Variants in SUV39H1 observed in about 807,000 individuals in gnomAD.
SUV39H1 encodes histone-lysine N-methyltransferase SUV39H1.
For synonymous variants in SUV39H1, 141 were observed against 150.5 expected (o/e 0.94, Z 0.46); for missense variants, 180 against 386.3 (o/e 0.47, Z 4.48).
chrX:48,695,555 A>T (rs1174080889), upstream of SUV39H1: 5 of 1,061,231 alleles, frequency 4.7e-6, no homozygotes, highest in African/African-American at 9.5e-5. Flanking sequence ...GTATCTGGTG[A>T]TCAACTATCC....
intron 1 of SUV39H1, 40 bp downstream of exon 1, chrX:48,696,843 G>GCC: frequency 1.9e-6 from 2 of 1,078,961 alleles, no homozygotes; most frequent in Non-Finnish European, 2.4e-6. Flanking sequence ...CGCTGGCCGG[G>GCC]CCGGGTGGGC....
At chrX:48,696,884 C>T in intron 1 of SUV39H1, 81 bp downstream of exon 1, 1 of 782,217 alleles carries the variant, frequency 1.3e-6, no homozygotes, top group Non-Finnish European at 1.6e-6. Context: ...CTCGGGGCCC[C>T]GGCGTCCGAG....
upstream of SUV39H1, chrX:48,696,470 G>T (rs2062455444): frequency 4.2e-6 from 1 of 239,997 alleles, no homozygotes; most frequent in African/African-American, 3.0e-5. Flanking sequence ...ACTGCGACTG[G>T]CTGATAACGT....
chrX:48,700,998 A>T (rs2062473463), intron 3 of SUV39H1: 1 of 453,015 alleles, frequency 2.2e-6, no homozygotes, highest in Non-Finnish European at 4.0e-6. Flanking sequence ...TGACTTTATC[A>T]GGGTACTTAG....
At position 48,707,617 on chromosome X, in the gene SUV39H1, A is replaced by G. The variant is rs202038583; in HGVS notation, c.*47A>G. 5.7e-4 allele frequency: 681 copies of G among 1,193,926 alleles called. 17 individuals are homozygous for G. In the East Asian group the frequency reaches 1.0e-2, roughly 18 times the overall value. ...ACTGACTGAGGGGGCCTGAAGCTAC[A>G]TGCACCTCCCCCACTGCTGCCCTCC... On this transcript the variant is annotated 3_prime_UTR_variant, in exon 6 of 6. Coordinates refer to ENST00000376687, the MANE Select transcript of SUV39H1 (RefSeq NM_003173.4).
chrX:48,696,712 TC>T, upstream of SUV39H1: 1 of 1,114,813 alleles, frequency 9.0e-7, no homozygotes, highest in Non-Finnish European at 1.2e-6. Context: ...GGCTGCGCGT[TC>T]CCGGCCACGC....
At chrX:48,696,376 G>A (rs1374250967), upstream of SUV39H1, among the ~76,000 whole-genome samples, 2 of 112,118 alleles carry the variant, frequency 1.8e-5, no homozygotes, top group African/African-American at 3.2e-5. Flanking sequence ...TAGTCCACCT[G>A]GGAGCCCCGG....
Position 48,700,531 on chromosome X carries a change from G to C in SUV39H1, c.606G>C (p.Lys202Asn). 8.2e-7 allele frequency: 1 copy of C among 1,212,445 alleles called. No individual in the cohort carries two copies. The highest frequency in any genetic ancestry group is 1.7e-5 in the African/African-American group (1 of 58,019). ...GCTGCCCGGGGGCGTCACTGCACAA[G>C]TTTGCCTACAATGACCAGGGCCAGG... ...GGCCPGASLHKFAYNDQGQVR... is the reference protein window; with the variant it reads ...GGCCPGASLHNFAYNDQGQVR... The change falls in exon 3 of 6, where the codon AAG becomes AAC. Residue 202 changes from lysine to asparagine, a missense_variant. Transcript: ENST00000376687.
intron 2 of SUV39H1, 30 bp from the exon 3 acceptor site, chrX:48,700,061 T>C (rs1557009179): frequency 2.7e-6 from 3 of 1,115,432 alleles, no homozygotes; most frequent in Non-Finnish European, 3.6e-6. Context: ...CTACTTACGG[T>C]ACCCCCGTCC....
At chrX:48,697,553 C>G (rs782489317) in intron 1 of SUV39H1, among the ~76,000 whole-genome samples, 2 of 111,302 alleles carry the variant, frequency 1.8e-5, no homozygotes, top group East Asian at 5.7e-4. Flanking sequence ...TTTGCGAGGA[C>G]AGGCTGTAGG....
upstream of SUV39H1, among the ~76,000 whole-genome samples, chrX:48,696,263 C>A (rs782142826): frequency 6.2e-5 from 7 of 112,305 alleles, no homozygotes; most frequent in East Asian, 1.1e-3. Context: ...CTGGCCAGGG[C>A]ACAAATGGAA....
chrX:48,703,830 G>T (rs2062482445), intron 3 of SUV39H1, among the ~76,000 whole-genome samples: 1 of 111,387 alleles, frequency 9.0e-6, no homozygotes, highest in Admixed American at 9.6e-5. Flanking sequence ...TTGGGATTTT[G>T]TCACTGTCAT....
chrX:48,696,587 G>A (rs915583022), upstream of SUV39H1: 139 of 429,764 alleles, frequency 3.2e-4, no homozygotes, highest in Non-Finnish European at 4.8e-4. Flanking sequence ...GACGCACTCT[G>A]GGAAAGCGCG....
upstream of SUV39H1, chrX:48,696,560 G>C: frequency 2.9e-6 from 1 of 344,737 alleles, no homozygotes; most frequent in East Asian, 6.2e-5. Flanking sequence ...TGTCGCTCCC[G>C]CTGCCGCCGC....
In SUV39H1 at chrX:48,696,772, G is replaced by T; in HGVS notation, c.-13G>T. ...GGCCGGCTAGGCCCGAATGTCGTTAGCCGTGGGGAAAGATGGCGGAAAATT... is the reference window on the plus strand; with the variant it reads ...GGCCGGCTAGGCCCGAATGTCGTTATCCGTGGGGAAAGATGGCGGAAAATT... On this transcript the variant is annotated 5_prime_UTR_variant, in exon 1 of 6. Coordinates refer to ENST00000376687, the MANE Select transcript of SUV39H1 (RefSeq NM_003173.4). 1.8e-6 allele frequency: 2 copies of T among 1,141,118 alleles called. No homozygotes were observed. The highest frequency in any genetic ancestry group is 2.9e-5 in the Admixed American group (1 of 34,167). The allele number at this position is 1,141,118 out of a possible 1,213,427, so 94.0% of individuals were successfully genotyped here.
At position 48,698,902 on chromosome X, in the gene SUV39H1, G is replaced by A. The variant is rs147055703; in HGVS notation, c.20G>A (p.Gly7Asp). ...GTTCTTTCTGCCCCGCTTGATCCAG[G>A]CTGCAGCGTGTGTTGCAAGTCTTCT... is the stretch of plus-strand genomic sequence containing the variant. MAENLK[G>D]CSVCCKSSWN... The change falls in exon 2 of 6, where the codon GGC becomes GAC. Residue 7 changes from glycine (G) to aspartate (D), a missense_variant and splice_region_variant. Physicochemically the swap from Gly to Asp is moderately conservative, Grantham distance 94. Transcript: ENST00000376687. 30 of 1,207,513 alleles carry A rather than the reference G, an allele frequency of 2.5e-5. 1 individual carries two copies. The Admixed American group carries it at 6.4e-4, about 26-fold the overall frequency.
At chrX:48,697,653 A>G (rs1232516762) in intron 1 of SUV39H1, among the ~76,000 whole-genome samples, 1 of 111,592 alleles carries the variant, frequency 9.0e-6, no homozygotes, top group Non-Finnish European at 1.9e-5. Context: ...ATAATTTTGA[A>G]AAGCTCTTGT....
Position 48,706,589 on chromosome X carries a change from G to C in SUV39H1, c.1067G>C (p.Arg356Pro). The stretch of plus-strand genomic sequence containing the variant: ...GCTTTCTTTGCCACAAGAACCATCC[G>C]GGCAGGCGAGGAGCTCACCTTTGAT... The part of the protein sequence containing the change: ...RIAFFATRTI[R>P]AGEELTFDYN... The change falls in exon 5 of 6, where the codon CGG (arginine) becomes CCG (proline). Residue 356 changes from arginine to proline, a missense_variant. Transcript: ENST00000376687. 1 of 1,209,568 alleles carries C rather than the reference G, an allele frequency of 8.3e-7. No individual in the cohort carries two copies. The highest frequency in any genetic ancestry group is 1.7e-5 in the African/African-American group (1 of 57,816).
In SUV39H1 at chrX:48,700,627, T is replaced by C. The variant is rs782794665; in HGVS notation, c.702T>C (p.Asn234=). 3 of 1,212,131 alleles carry C rather than the reference T, an allele frequency of 2.5e-6. No homozygotes were observed. Among genetic ancestry groups the C allele is most frequent in the South Asian group, 3.5e-5 (2 of 57,039 alleles). ...SRCRCGYDCP[N]RVVQKGIRYD... Reference sequence around the variant, plus strand: ...GCCGCTGCGGCTATGACTGCCCAAATCGTGTGGTACAGAAGGGTATCCGAT... The same window carrying C: ...GCCGCTGCGGCTATGACTGCCCAAACCGTGTGGTACAGAAGGGTATCCGAT... Residue 234 remains asparagine (N), a synonymous_variant, in exon 3 of 6, where the codon AAT becomes AAC. Transcript: ENST00000376687.
Sources: gnomAD v4.1 joint callset for allele counts (sites outside exome capture counted in the v4.1 genomes callset) on GRCh38, gnomAD v4.1.1 for gene constraint, MANE v1.5 for transcripts, NCBI Gene and HGNC (gene_info 2026-07-23, HGNC 2026-07-21) for gene names.